Variants in RNF170 observed in about 807,000 individuals in gnomAD.
RNF170 encodes ring finger protein 170.
Under a neutral mutation model 32.7 loss-of-function variants are expected in RNF170, and 12 were observed. The observed-to-expected ratio is 0.37, with a 90% CI of 0.24 to 0.60. The LOEUF is 0.60. RNF170 is among the 20% of genes least tolerant of loss of function. The pLI is 0.72. For synonymous variants in RNF170, 91 were observed against 103.6 expected (o/e 0.88, Z 0.74); for missense variants, 212 against 311.2 (o/e 0.68, Z 2.40).
chr8:42,887,215 C>A (rs1214477902), intron 2 of RNF170, among the ~76,000 whole-genome samples: 1 of 152,106 alleles, frequency 6.6e-6, no homozygotes, highest in African/African-American at 2.4e-5. Context: ...TCGCTTGAAC[C>A]CCAGAGGCAG....
At chr8:42,890,330 T>C (rs1021081701) in intron 1 of RNF170, among the ~76,000 whole-genome samples, 1 of 150,482 alleles carries the variant, frequency 6.6e-6, no homozygotes, top group Non-Finnish European at 1.5e-5. Flanking sequence ...CAGGCTGGAG[T>C]GCAGCAACGC....
downstream of RNF170, chr8:42,853,157 A>C (rs2128920736): frequency 3.5e-6 from 1 of 282,186 alleles, no homozygotes; most frequent in Non-Finnish European, 6.3e-6. Context: ...CAAAATAAAA[A>C]ACCTAACAAA....
At chr8:42,893,143 C>T (rs10088342) in intron 1 of RNF170, among the ~76,000 whole-genome samples, 82 of 152,224 alleles carry the variant, frequency 5.4e-4, no homozygotes, top group African/African-American at 1.5e-3. Flanking sequence ...TATCTTATTA[C>T]TGTTAGTAGT....
At chr8:42,867,219 C>T (rs1272271332) in intron 4 of RNF170, among the ~76,000 whole-genome samples, 1 of 152,170 alleles carries the variant, frequency 6.6e-6, no homozygotes, top group Non-Finnish European at 1.5e-5. Context: ...CGCCTGTAAT[C>T]CCAGCACTTT....
At chr8:42,863,615 T>C (rs1803832273) in intron 5 of RNF170, among the ~76,000 whole-genome samples, 1 of 152,024 alleles carries the variant, frequency 6.6e-6, no homozygotes, top group African/African-American at 2.4e-5. Context: ...CTAATTTTTG[T>C]ATATTTAGTA....
At chr8:42,881,521 TA>T (rs973444949) in intron 2 of RNF170, 1 of 152,052 alleles carries the variant, frequency 6.6e-6, no homozygotes, top group African/African-American at 2.4e-5. Flanking sequence ...GTAGACTAGA[TA>T]AAGAAAATGT....
intron 5 of RNF170, among the ~76,000 whole-genome samples, chr8:42,863,980 A>AGAGT (rs149654513): frequency 0.02 from 2,779 of 139,522 alleles, 53 homozygotes; most frequent in African/African-American, 0.054. Flanking sequence ...AGAGAGAGAG[A>AGAGT]GTGTGTGTGT....
chr8:42,863,980 A>AGTGTGTGTGTGTGTGT (rs71231874), intron 5 of RNF170, among the ~76,000 whole-genome samples: 4 of 139,512 alleles, frequency 2.9e-5, no homozygotes, highest in East Asian at 2.1e-4. Context: ...AGAGAGAGAG[A>AGTGTGTGTGTGTGTGT]GTGTGTGTGT....
chr8:42,854,208 C>T lies in RNF170; in HGVS notation c.*1951G>A. The T allele has an allele frequency of 1.6e-6, 2 of 1,287,194 alleles. No homozygotes were observed. The highest frequency in any genetic ancestry group is 2.3e-5 in the Admixed American group (1 of 43,546). 79.7% of individuals were successfully genotyped at this position (1,287,194 alleles called of 1,614,324 possible). On this transcript the variant is annotated 3_prime_UTR_variant, in exon 7 of 7. Coordinates refer to ENST00000527424, the MANE Select transcript of RNF170 (RefSeq NM_030954.4). Reference sequence around the variant, plus strand: ...ACCTTTCCTCTTAGGAGTGCCTAAGCTGTCTTACTCTGATGGAGGTATAAT... The same window carrying T: ...ACCTTTCCTCTTAGGAGTGCCTAAGTTGTCTTACTCTGATGGAGGTATAAT...
intron 2 of RNF170, among the ~76,000 whole-genome samples, chr8:42,886,217 C>T (rs188925325): frequency 0.016 from 2,355 of 150,816 alleles, 30 homozygotes; most frequent in Non-Finnish European, 0.021. Flanking sequence ...GAGTGAGACT[C>T]GGTCTCAAAA....
chr8:42,894,005 C>CA (rs1489458278), intron 1 of RNF170, among the ~76,000 whole-genome samples: 1 of 152,144 alleles, frequency 6.6e-6, no homozygotes, highest in Non-Finnish European at 1.5e-5. Context: ...ATAAAACACA[C>CA]AGAGAAAATA....
At chr8:42,895,350 G>C (rs1465611990) in intron 1 of RNF170, among the ~76,000 whole-genome samples, 1 of 152,006 alleles carries the variant, frequency 6.6e-6, no homozygotes, top group African/African-American at 2.4e-5. Context: ...ATGCTGTCTT[G>C]GCAGTTTTCA....
upstream of RNF170, chr8:42,896,748 A>AGCGGCAGCGGCGGCGGCG (rs1554506590): frequency 6.9e-6 from 1 of 145,666 alleles, no homozygotes; most frequent in East Asian, 2.0e-4. Context: ...GCCCGGCGGC[A>AGCGGCAGCGGCGGCGGCG]GCGGCGGCGG....
downstream of RNF170, chr8:42,851,030 ATGTT>A (rs1802927280): frequency 1.9e-6 from 3 of 1,548,982 alleles, no homozygotes; most frequent in South Asian, 1.2e-5. Context: ...CCTTTTAAAA[ATGTT>A]TGTTAGATCA....
chr8:42,861,899 TTA>T (rs1388516112), intron 5 of RNF170, 44 bp from the exon 6 acceptor site: 5 of 1,533,204 alleles, frequency 3.3e-6, no homozygotes, highest in African/African-American at 2.8e-5. Flanking sequence ...TTCTGCATCA[TTA>T]TGTTTTTTTC....
rs759672609 is a variant in RNF170 at position 42,853,378 on chromosome 8, A to G, written c.*2781T>C. On this transcript the variant is annotated 3_prime_UTR_variant, in exon 7 of 7. Coordinates refer to ENST00000527424, the MANE Select transcript of RNF170 (RefSeq NM_030954.4). The stretch of plus-strand genomic sequence containing the variant: ...TTAATCACAAGGTTTGAACCAAACC[A>G]CCAGTCTTCTACAACAACTCTGTGA... 1.0e-5 allele frequency: 13 copies of G among 1,281,644 alleles called. No homozygotes were observed. In the South Asian group the frequency reaches 1.6e-4, roughly 16 times the overall value. 79.4% of individuals were successfully genotyped at this position (1,281,644 alleles called of 1,614,324 possible). A position where few individuals can be genotyped will look rare whatever the true frequency, so the allele number is the denominator to read the frequency against.
downstream of RNF170, among the ~76,000 whole-genome samples, chr8:42,851,997 AAAG>A (rs1802953768): frequency 6.6e-6 from 1 of 152,230 alleles, no homozygotes; most frequent in Non-Finnish European, 1.5e-5. Context: ...CCTTTAATAA[AAAG>A]AAGGGAGCTA....
intron 1 of RNF170, among the ~76,000 whole-genome samples, chr8:42,894,131 CAA>C (rs5891199): frequency 1.3e-5 from 2 of 152,208 alleles, no homozygotes; most frequent in Admixed American, 1.3e-4. Flanking sequence ...TACTCACATC[CAA>C]AAAGTTTTTA....
chr8:42,881,668 C>T (rs1805416550), intron 2 of RNF170, among the ~76,000 whole-genome samples: 1 of 152,206 alleles, frequency 6.6e-6, no homozygotes, highest in African/African-American at 2.4e-5. Flanking sequence ...GGAGCAGTGG[C>T]TCATGCCTGT....
Sources: allele counts gnomAD v4.1 joint callset (sites outside exome capture counted in the v4.1 genomes callset), GRCh38; gene constraint gnomAD v4.1.1; transcripts MANE v1.5; gene names NCBI Gene and HGNC (gene_info 2026-07-23, HGNC 2026-07-21).